Variants in ABCA13 observed in about 807,000 individuals in gnomAD.
ABCA13 encodes ATP binding cassette subfamily A member 13, also known as ATP-binding cassette sub-family A member 13.
A neutral mutation model predicts 478.7 loss-of-function variants in ABCA13; 476 were observed. The observed-to-expected ratio is 0.99, with a 90% confidence interval of 0.92 to 1.07. The LOEUF (loss-of-function observed/expected upper bound fraction) is 1.07, where lower values mean the gene tolerates loss of function less well. Ranked by LOEUF, ABCA13 falls within the 50% of genes least tolerant of loss-of-function variation. The pLI is 0.00. For synonymous variants in ABCA13, 2,252 were observed against 2,158.9 expected (o/e 1.04, Z -1.20); for missense variants, 6,060 against 5,910.6 (o/e 1.03, Z -0.83).
intron 55 of ABCA13, among the ~76,000 whole-genome samples, chr7:48,550,610 T>G (rs1487134803): frequency 2.6e-5 from 4 of 151,870 alleles, no homozygotes; most frequent in Non-Finnish European, 5.9e-5. Context: ...TATGTGTGTG[T>G]TGTTGTTTAT....
intron 31 of ABCA13, 24 bp from the exon 32 acceptor site, chr7:48,367,770 G>A (rs1001438930): frequency 9.8e-6 from 15 of 1,524,078 alleles, no homozygotes; most frequent in South Asian, 1.2e-5. Context: ...GTCTCCGGAT[G>A]CTGACTGAAT....
chr7:48,626,673 C>T (rs556983055), intron 59 of ABCA13: 22 of 985,414 alleles, frequency 2.2e-5, no homozygotes, highest in African/African-American at 1.4e-4. Context: ...GTGCAGGAGA[C>T]GCTGAAGAAC....
At chr7:48,488,005 C>T (rs905137714) in intron 47 of ABCA13, among the ~76,000 whole-genome samples, 6 of 152,160 alleles carry the variant, frequency 3.9e-5, no homozygotes, top group Admixed American at 6.5e-5. Flanking sequence ...CACAAAATCC[C>T]ACTCTGTTTA....
At chr7:48,322,804 G>A (rs1467017424) in intron 27 of ABCA13, among the ~76,000 whole-genome samples, 3 of 152,068 alleles carry the variant, frequency 2.0e-5, no homozygotes, top group African/African-American at 7.3e-5. Flanking sequence ...TCAGTACACA[G>A]AACAGTTCCA....
chr7:48,273,210 CT>C lies in ABCA13; in HGVS notation c.3548del (p.Leu1183TrpfsTer8). On this transcript the variant is annotated frameshift_variant, in exon 17 of 62. Coordinates refer to ENST00000435803, the MANE Select transcript of ABCA13 (RefSeq NM_152701.5). LOFTEE classifies it high-confidence loss of function. The stretch of plus-strand genomic sequence containing the variant: ...ATCTCTTCATCATGGTTTCACTCAG[CT>C]TTTGGATGAATTGGAAGATGATGTG... ...FTSLHHGFTQLLDELEDDVKV... is the reference protein window; with the variant it reads ...FTSLHHGFTQXLDELEDDVKV... The C allele has an allele frequency of 6.2e-7, 1 of 1,613,644 alleles. No individual in the cohort carries two copies. The highest frequency in any genetic ancestry group is 1.1e-5 in the South Asian group (1 of 91,076).
At chr7:48,334,483 T>C (rs1805913136) in intron 27 of ABCA13, among the ~76,000 whole-genome samples, 1 of 152,104 alleles carries the variant, frequency 6.6e-6, no homozygotes, top group African/African-American at 2.4e-5. Flanking sequence ...TACAGGTGCC[T>C]GCCACCGTGC....
At chr7:48,260,067 A>G (rs567380289) in intron 15 of ABCA13, among the ~76,000 whole-genome samples, 2 of 152,112 alleles carry the variant, frequency 1.3e-5, no homozygotes, top group African/African-American at 4.8e-5. Flanking sequence ...ACTTTCTCCT[A>G]TATCTGAATG....
chr7:48,385,428 T>G (rs1008785566), intron 35 of ABCA13, among the ~76,000 whole-genome samples: 3 of 152,188 alleles, frequency 2.0e-5, no homozygotes, highest in African/African-American at 4.8e-5. Flanking sequence ...GCTAACGATG[T>G]TAGTTTGCTA....
chr7:48,273,001 A>G lies in ABCA13; in HGVS notation c.3335A>G (p.Tyr1112Cys), dbSNP rs776840245. The change falls in exon 17 of 62, where the codon TAT becomes TGT. Residue 1112 changes from tyrosine to cysteine, a missense_variant. This residue lies in a region of ABCA13 where 4,423 missense variants were observed against 4,309.1 expected (regional missense o/e 1.03). Transcript: ENST00000435803. ...SDNKHISSVN[Y>C]STSEESSFVF... ...AATAAACACATTTCTTCCGTAAATT[A>G]TTCAACAAGTGAGGAGTCTTCATTT... The G allele has an allele frequency of 6.2e-7, 1 of 1,613,666 alleles. No homozygotes were observed. Among genetic ancestry groups the G allele is most frequent in the Non-Finnish European group, 8.5e-7 (1 of 1,179,724 alleles).
chr7:48,570,893 G>A (rs1787581190), intron 55 of ABCA13, among the ~76,000 whole-genome samples: 1 of 151,680 alleles, frequency 6.6e-6, no homozygotes. Flanking sequence ...TTCTATTACT[G>A]CCATCTTTTG....
At chr7:48,182,734 A>C (rs936880695) in intron 1 of ABCA13, among the ~76,000 whole-genome samples, 1 of 152,236 alleles carries the variant, frequency 6.6e-6, no homozygotes, top group Non-Finnish European at 1.5e-5. Flanking sequence ...AAAGGTTTGC[A>C]AAAATTCACT....
chr7:48,184,879 A>G (rs1796162320), intron 1 of ABCA13, among the ~76,000 whole-genome samples: 1 of 152,176 alleles, frequency 6.6e-6, no homozygotes, highest in Admixed American at 6.5e-5. Context: ...TTTTTCATCC[A>G]GGCTGGAGTG....
At chr7:48,482,641 G>A (rs1828892638) in intron 46 of ABCA13, among the ~76,000 whole-genome samples, 1 of 151,944 alleles carries the variant, frequency 6.6e-6, no homozygotes, top group Admixed American at 6.6e-5. Context: ...TGGTCCATCT[G>A]CCTCGGCCTC....
intron 47 of ABCA13, among the ~76,000 whole-genome samples, chr7:48,485,804 A>G (rs1585544259): frequency 6.6e-6 from 1 of 151,974 alleles, no homozygotes; most frequent in African/African-American, 2.4e-5. Flanking sequence ...ATCTGTGGGG[A>G]ATTTGGGATG....
chr7:48,449,184 T>A (rs1161503607), intron 42 of ABCA13, among the ~76,000 whole-genome samples: 1 of 152,208 alleles, frequency 6.6e-6, no homozygotes, highest in Admixed American at 6.5e-5. Context: ...TAATTGTTTT[T>A]CAGGTTTTAT....
At chr7:48,404,018 C>T in intron 39 of ABCA13, 139 bp downstream of exon 39, 1 of 1,025,710 alleles carries the variant, frequency 9.7e-7, no homozygotes, top group Non-Finnish European at 1.5e-6. Flanking sequence ...TTTTTAAAAG[C>T]ACTTATAGGG....
At chr7:48,543,336 T>C (rs1231426612) in intron 55 of ABCA13, among the ~76,000 whole-genome samples, 1 of 151,640 alleles carries the variant, frequency 6.6e-6, no homozygotes, top group East Asian at 1.9e-4. Flanking sequence ...ACAATACAAA[T>C]AGGCTAGCTG....
chr7:48,403,985 T>C, intron 39 of ABCA13, 106 bp downstream of exon 39: 1 of 1,305,626 alleles, frequency 7.7e-7, no homozygotes, highest in Non-Finnish European at 1.1e-6. Context: ...GAGGCTACAT[T>C]ATCCTTTTCA....
intron 7 of ABCA13, among the ~76,000 whole-genome samples, chr7:48,233,673 T>G (rs1789516627): frequency 6.6e-6 from 1 of 152,246 alleles, no homozygotes; most frequent in African/African-American, 2.4e-5. Context: ...TTGTCGTACC[T>G]TAATTTTTGC....
Sources: allele counts gnomAD v4.1 joint callset (sites outside exome capture counted in the v4.1 genomes callset), GRCh38; gene constraint gnomAD v4.1.1; regional missense constraint gnomAD v4.1.1; transcripts MANE v1.5; gene names NCBI Gene and HGNC (gene_info 2026-07-23, HGNC 2026-07-21).